The following MUC5B variants were observed in gnomAD, a reference collection of about 807,000 sequenced individuals.
MUC5B encodes mucin 5B, oligomeric mucus/gel-forming, also known as mucin-5B.
In MUC5B, 116 loss-of-function variants were observed where a neutral mutation model predicts 376.9. The ratio of observed to expected loss-of-function variants is 0.31; its 90% CI spans 0.26 to 0.36. The LOEUF is 0.36. MUC5B is among the 10% of genes least tolerant of loss of function. MUC5B has a pLI of 1.00. For missense variants in MUC5B, 7,165 were observed against 7,769.9 expected (o/e 0.92, Z 2.93); for synonymous variants, 3,517 against 3,390.9 (o/e 1.04, Z -1.29).
rs568224725 is a variant in MUC5B at position 1,251,376 on chromosome 11, T to G, written c.14496T>G (p.Thr4832=). ...CAACAGCCACTACAACTGCAGCCAC[T>G]GGATCCACGGCCACCCTGTCCTCCA... ...LTTTATTTAA[T]GSTATLSSTP... Residue 4832 remains threonine, a synonymous_variant, in exon 31 of 49, where the codon ACT becomes ACG. Transcript: ENST00000529681. 2 of 1,602,158 alleles carry G rather than the reference T, an allele frequency of 1.2e-6. No individual in the cohort carries two copies. Among genetic ancestry groups the G allele is most frequent in the Non-Finnish European group, 1.7e-6 (2 of 1,172,262 alleles).
chr11:1,241,423 G>A lies in MUC5B; in HGVS notation c.4543G>A (p.Glu1515Lys). The change falls in exon 31 of 49, where the codon GAG becomes AAG. Residue 1515 changes from glutamate (E) to lysine (K), a missense_variant. This residue lies in a region of MUC5B where 517 missense variants were observed against 545.3 expected (regional missense o/e 0.95). Transcript: ENST00000529681. ...GTGTCAGTGGACAGAGTGGTTTGAT[G>A]AGGACTACCCCAAGTCTGAACAACT... ...PRCQWTEWFDEDYPKSEQLGG... is the reference protein window; with the variant it reads ...PRCQWTEWFDKDYPKSEQLGG... The A allele has an allele frequency of 1.2e-6, 2 of 1,613,492 alleles. No individual in the cohort carries two copies. The highest frequency in any genetic ancestry group is 1.7e-6 in the Non-Finnish European group (2 of 1,179,526).
Position 1,245,974 on chromosome 11 carries a change from C to T in MUC5B, c.9094C>T (p.Pro3032Ser). 6.2e-7 allele frequency: 1 copy of T among 1,612,964 alleles called. No individual in the cohort carries two copies. The stretch of plus-strand genomic sequence containing the variant: ...AGTGCTGACCAGCACGGCCACCACA[C>T]CCACAGCCACCAGTTCCAAAGCCAC... The part of the protein sequence containing the change: ...PKVLTSTATT[P>S]TATSSKATSS... The change falls in exon 31 of 49, where the codon CCC becomes TCC. Residue 3032 changes from proline to serine, a missense_variant. Pro to Ser is a moderately conservative substitution (Grantham distance 74). Coordinates refer to ENST00000529681, the MANE Select transcript of MUC5B (RefSeq NM_002458.3).
chr11:1,230,705 C>T, intron 12 of MUC5B, 105 bp downstream of exon 12: 1 of 1,076,716 alleles, frequency 9.3e-7, no homozygotes, highest in Non-Finnish European at 1.3e-6. Flanking sequence ...GCCAGGTCCC[C>T]CCTCCAGCCC....
chr11:1,235,739 C>T (rs751837411), intron 23 of MUC5B, among the ~76,000 whole-genome samples: 2 of 151,994 alleles, frequency 1.3e-5, no homozygotes, highest in Non-Finnish European at 2.9e-5. Context: ...CTGCGTCTGT[C>T]TTCTCTCTGT....
chr11:1,248,600 C>T lies in MUC5B; in HGVS notation c.11720C>T (p.Ser3907Phe). 2 of 1,613,008 alleles carry T rather than the reference C, an allele frequency of 1.2e-6. No individual in the cohort carries two copies. The highest frequency in any genetic ancestry group is 1.7e-4 in the Middle Eastern group (1 of 5,890). ...ACCAGTGGCTCCACGGTGACCCCCT[C>T]CTCCGTCCCGGGGACCACCCACACC... ...PTTSGSTVTP[S>F]SVPGTTHTPT... Residue 3907 changes from serine to phenylalanine, a missense_variant, in exon 31 of 49, where the codon TCC (serine) becomes TTC (phenylalanine). Physicochemically the swap from Ser to Phe is radical, Grantham distance 155. Coordinates refer to ENST00000529681, the MANE Select transcript of MUC5B (RefSeq NM_002458.3).
chr11:1,251,603 T>C lies in MUC5B; in HGVS notation c.14723T>C (p.Val4908Ala), dbSNP rs1489625017. ...STVGTTRTPA[V>A]LPSSLPTFSV... The stretch of plus-strand genomic sequence containing the variant: ...GTGGGGACCACCCGCACCCCTGCAG[T>C]GCTCCCCAGCAGCCTGCCAACCTTC... The change falls in exon 31 of 49, where the codon GTG (valine) becomes GCG (alanine). Residue 4908 changes from valine (V) to alanine (A), a missense_variant. Val to Ala is a moderately conservative substitution (Grantham distance 64). Around this residue, in one of 31 missense-constraint regions of MUC5B, gnomAD observed 730 missense variants for 592.7 expected, o/e 1.23. Transcript: ENST00000529681. 6 of 1,612,896 alleles carry C rather than the reference T, an allele frequency of 3.7e-6. No homozygotes were observed. Among genetic ancestry groups the C allele is most frequent in the Non-Finnish European group, 5.1e-6 (6 of 1,179,808 alleles).
rs377113691 is a variant in MUC5B at position 1,259,069 on chromosome 11, C to A, written c.16713+8C>A. Reference sequence around the variant, plus strand: ...AATACTACCTGTCCCCAGGTGAGACCCGAGGCACCTGCCCCCAGGTGAGCC... The same window carrying A: ...AATACTACCTGTCCCCAGGTGAGACACGAGGCACCTGCCCCCAGGTGAGCC... On this transcript the variant is annotated splice_region_variant and intron_variant, in intron 44 of 48. Coordinates refer to ENST00000529681, the MANE Select transcript of MUC5B (RefSeq NM_002458.3). 279 of 1,545,694 alleles carry A rather than the reference C, an allele frequency of 1.8e-4. No individual in the cohort carries two copies. In the African/African-American group the frequency reaches 3.5e-3, roughly 19 times the overall value.
At chr11:1,254,407 A>G (rs1862779931) in intron 34 of MUC5B, 56 bp downstream of exon 34, 2 of 1,581,954 alleles carry the variant, frequency 1.3e-6, no homozygotes, top group Middle Eastern at 1.7e-4. Flanking sequence ...GCACCTGGGC[A>G]GGCCGACTGC....
rs769243099 is a variant in MUC5B, at chr11:1,233,029, C to G, written c.2082C>G (p.Asn694Lys). 8 of 1,596,366 alleles carry G rather than the reference C, an allele frequency of 5.0e-6. No homozygotes were observed. The highest frequency in any genetic ancestry group is 6.8e-6 in the Non-Finnish European group (8 of 1,175,854). The change falls in exon 18 of 49, where the codon AAC becomes AAG. Residue 694 changes from asparagine to lysine, a missense_variant. Transcript: ENST00000529681. ...CGACCACAGCCAAGTACATGCAGAA[C>G]TGCCCCAAGTCCCAGCGCTACGCCT... ...RDGVCTKYMQNCPKSQRYAYV... is the reference protein window; with the variant it reads ...RDGVCTKYMQKCPKSQRYAYV...
rs1253437587 is a variant in MUC5B, at chr11:1,260,640, C to T, written c.16981C>T (p.Arg5661Cys). 1.9e-6 allele frequency: 3 copies of T among 1,612,308 alleles called. No individual in the cohort carries two copies. Among genetic ancestry groups the T allele is most frequent in the Non-Finnish European group, 1.7e-6 (2 of 1,179,688 alleles). Reference protein sequence around the residue: ...YSCEEDSCQVRINTTILWHQG... With the variant: ...YSCEEDSCQVCINTTILWHQG... ...CCTCCTCCCAGACTCCTGTCAAGTC[C>T]GCATCAACACGACCATCCTGTGGCA... The change falls in exon 48 of 49, where the codon CGC becomes TGC. Residue 5661 changes from arginine to cysteine, a missense_variant. By Grantham distance (180) the Arg-to-Cys change is radical. Transcript: ENST00000529681.
intron 30 of MUC5B, 114 bp from the exon 31 acceptor site, chr11:1,240,737 T>C: frequency 2.9e-6 from 3 of 1,025,808 alleles, no homozygotes; most frequent in Non-Finnish European, 4.2e-6. Flanking sequence ...GGGTCCCCAG[T>C]ATCCCACAGG....
chr11:1,256,651 C>T lies in MUC5B; in HGVS notation c.16137-20C>T. On this transcript the variant is annotated intron_variant, in intron 38 of 48. Coordinates refer to ENST00000529681, the MANE Select transcript of MUC5B (RefSeq NM_002458.3). Reference sequence around the variant, plus strand: ...CCTCCTGGATCTCTAGGTCTCAGGGCCTCTCTTGTCATCCTGCAGGAACCA... The same window carrying T: ...CCTCCTGGATCTCTAGGTCTCAGGGTCTCTCTTGTCATCCTGCAGGAACCA... 6.5e-7 allele frequency: 1 copy of T among 1,544,242 alleles called. No individual in the cohort carries two copies. Among genetic ancestry groups the T allele is most frequent in the Non-Finnish European group, 8.7e-7 (1 of 1,145,036 alleles).
rs56353893 is a variant in MUC5B, at chr11:1,253,492, C to T, written c.15217+512C>T. Reference sequence around the variant, plus strand: ...GGGACCCACCGCTAAGAGGTCACGGCGTTCTCACTCCTCCCCATGTCCTTG... The same window carrying T: ...GGGACCCACCGCTAAGAGGTCACGGTGTTCTCACTCCTCCCCATGTCCTTG... On this transcript the variant is annotated intron_variant, in intron 33 of 48. Coordinates refer to ENST00000529681, the MANE Select transcript of MUC5B (RefSeq NM_002458.3). This position sits in a 1 kb window ranked among gnomAD's most constrained non-coding sequence, Gnocchi z 4.3. Among the ~76,000 whole-genome samples, 33 of 152,242 alleles carry T rather than the reference C, an allele frequency of 2.2e-4. No individual in the cohort carries two copies. Among genetic ancestry groups the T allele is most frequent in the African/African-American group, 7.7e-4 (32 of 41,532 alleles).
chr11:1,240,884 G>A lies in MUC5B; in HGVS notation c.4004G>A (p.Arg1335His), dbSNP rs767598122. ...CTCCCGGTCTCCACCGTGTGTGTCC[G>A]CGAGGTCTGCCGCTGGTCCAGCTGG... ...PALPVSTVCV[R>H]EVCRWSSWYN... The change falls in exon 31 of 49, where the codon CGC (arginine) becomes CAC (histidine). Residue 1335 changes from arginine (R) to histidine (H), a missense_variant. This residue lies in a region of MUC5B where 517 missense variants were observed against 545.3 expected (regional missense o/e 0.95). Transcript: ENST00000529681. 3.5e-5 allele frequency: 57 copies of A among 1,611,812 alleles called. No individual in the cohort carries two copies. The highest frequency in any genetic ancestry group is 4.7e-5 in the Non-Finnish European group (55 of 1,179,666).
rs750590489 is a variant in MUC5B at position 1,244,758 on chromosome 11, G to A, written c.7878G>A (p.Thr2626=). ...FTATPSSSPG[T]ARTLPVWIST... ...CCACCCCCTCCTCCAGCCCAGGGACGGCACGCACGCTTCCAGTGTGGATCA... is the reference window on the plus strand; with the variant it reads ...CCACCCCCTCCTCCAGCCCAGGGACAGCACGCACGCTTCCAGTGTGGATCA... The change falls in exon 31 of 49, where the codon ACG becomes ACA. Residue 2626 remains threonine (T), a synonymous_variant. Coordinates refer to ENST00000529681, the MANE Select transcript of MUC5B (RefSeq NM_002458.3). 1.9e-5 allele frequency: 31 copies of A among 1,611,784 alleles called. No homozygotes were observed. The highest frequency in any genetic ancestry group is 1.3e-4 in the East Asian group (6 of 44,836).
intron 33 of MUC5B, 63 bp from the exon 34 acceptor site, chr11:1,254,029 T>C: frequency 6.4e-7 from 1 of 1,559,486 alleles, no homozygotes. Flanking sequence ...CTGGCTGCCA[T>C]GACGCCTGGG....
At position 1,249,332 on chromosome 11, in the gene MUC5B, ACTTTGACAC is replaced by A. The variant is rs1862598805; in HGVS notation, c.12455_12463del (p.Phe4152_Thr4154del). On this transcript the variant is annotated inframe_deletion, in exon 31 of 49. Coordinates refer to ENST00000529681, the MANE Select transcript of MUC5B (RefSeq NM_002458.3). ...CCCATGCCGGGGCCCTCTGGCGGGGACTTTGACACCTACTCCAACATCCGTGCGGCCGGA... is the reference window on the plus strand; with the variant it reads ...CCCATGCCGGGGCCCTCTGGCGGGGACTACTCCAACATCCGTGCGGCCGGA... 1 of 1,610,372 alleles carries A rather than the reference ACTTTGACAC, an allele frequency of 6.2e-7. No individual in the cohort carries two copies. Among genetic ancestry groups the A allele is most frequent in the South Asian group, 1.1e-5 (1 of 90,928 alleles).
chr11:1,260,932 G>A (rs1046955300), intron 48 of MUC5B, among the ~76,000 whole-genome samples: 13 of 152,210 alleles, frequency 8.5e-5, no homozygotes, highest in Admixed American at 7.2e-4. Flanking sequence ...GCCAGGGCCC[G>A]GCTGAGCCGA....
At position 1,241,754 on chromosome 11, in the gene MUC5B, A is replaced by G. The variant is rs1862289854; in HGVS notation, c.4874A>G (p.Gln1625Arg). 6.2e-7 allele frequency: 1 copy of G among 1,612,280 alleles called. No homozygotes were observed. The highest frequency in any genetic ancestry group is 8.5e-7 in the Non-Finnish European group (1 of 1,179,494). Reference protein sequence around the residue: ...ELETATTTTTQALFSTPQPTS... With the variant: ...ELETATTTTTRALFSTPQPTS... ...GAGACGGCCACCACCACCACCACCC[A>G]GGCCCTGTTCTCAACGCCGCAGCCT... Residue 1625 changes from glutamine (Q) to arginine (R), a missense_variant, in exon 31 of 49, where the codon CAG becomes CGG. Physicochemically the swap from Gln to Arg is conservative, Grantham distance 43. Transcript: ENST00000529681.
Sources: allele counts gnomAD v4.1 joint callset (sites outside exome capture counted in the v4.1 genomes callset), GRCh38; gene constraint gnomAD v4.1.1; regional missense constraint gnomAD v4.1.1; non-coding constraint Gnocchi (gnomAD v3.1); transcripts MANE v1.5; gene names NCBI Gene and HGNC (gene_info 2026-07-23, HGNC 2026-07-21).